KLF8: variants seen among roughly 807,000 people sequenced by gnomAD.
KLF8 encodes the protein KLF transcription factor 8.
In KLF8, 10 loss-of-function variants were observed where a neutral mutation model predicts 18.2. That is an observed-to-expected ratio of 0.55 (90% confidence interval 0.34 to 0.93). KLF8 has a LOEUF of 0.93. Among genes scored for constraint, KLF8 ranks in the 40% least tolerant of loss-of-function variants. The pLI is 0.02. For synonymous variants in KLF8, 109 were observed against 97.3 expected (o/e 1.12, Z -0.71); for missense variants, 264 against 277.9 (o/e 0.95, Z 0.36).
At chrX:56,187,218 A>T in the KLF8 span, among the ~76,000 whole-genome samples, 2 of 111,932 alleles carry the variant, frequency 1.8e-5, no homozygotes, top group East Asian at 2.8e-4. Context: ...AGAAATACAA[A>T]CTACCATCAG....
the KLF8 span, among the ~76,000 whole-genome samples, chrX:56,113,554 G>GTTTTTTTTTTTTTT: frequency 3.8e-4 from 13 of 34,652 alleles, 1 homozygote; most frequent in African/African-American, 7.6e-4. Context: ...GGCAGGGATA[G>GTTTTTTTTTTTTTT]TTTTTTTTTT....
chrX:56,004,280 G>A, the KLF8 span, among the ~76,000 whole-genome samples: 2 of 112,380 alleles, frequency 1.8e-5, no homozygotes, highest in African/African-American at 6.5e-5. Flanking sequence ...TTCAACAGAT[G>A]TTGACTGTTA....
At chrX:56,238,275 A>G (rs1023416189) in intron 1 of KLF8, among the ~76,000 whole-genome samples, 2 of 111,882 alleles carry the variant, frequency 1.8e-5, no homozygotes, top group African/African-American at 6.5e-5. Flanking sequence ...CAGCAGTTCG[A>G]AACCAGCTTG....
chrX:55,970,718 A>C, the KLF8 span, among the ~76,000 whole-genome samples: 3 of 111,782 alleles, frequency 2.7e-5, no homozygotes, highest in Middle Eastern at 4.2e-3. Context: ...CAAAGTTGTA[A>C]GAGATCAAAT....
At chrX:56,062,380 TG>T in the KLF8 span, among the ~76,000 whole-genome samples, 1 of 111,721 alleles carries the variant, frequency 9.0e-6, no homozygotes, top group South Asian at 3.7e-4. Flanking sequence ...GTAGGCCTGG[TG>T]GTGACAAAAT....
At chrX:56,091,408 T>C in the KLF8 span, among the ~76,000 whole-genome samples, 31 of 111,604 alleles carry the variant, frequency 2.8e-4, no homozygotes, top group South Asian at 2.3e-3. Flanking sequence ...CTTTTATAAA[T>C]TACCCAGTCT....
chrX:56,236,217 A>G (rs1294782227), intron 1 of KLF8, among the ~76,000 whole-genome samples: 1 of 111,827 alleles, frequency 8.9e-6, no homozygotes, highest in Non-Finnish European at 1.9e-5. Flanking sequence ...CTCATTCCTC[A>G]TTCAAGACTC....
chrX:56,074,390 C>A, the KLF8 span, among the ~76,000 whole-genome samples: 31 of 110,847 alleles, frequency 2.8e-4, no homozygotes, highest in Non-Finnish European at 4.9e-4. Context: ...TGAAATTTTA[C>A]CTCTATGTGA....
the KLF8 span, among the ~76,000 whole-genome samples, chrX:56,144,250 T>C: frequency 9.0e-6 from 1 of 111,672 alleles, no homozygotes; most frequent in Non-Finnish European, 1.9e-5. Flanking sequence ...TATATTTTCA[T>C]GACCTTGCAT....
At chrX:56,221,269 C>T in the KLF8 span, among the ~76,000 whole-genome samples, 1 of 111,810 alleles carries the variant, frequency 8.9e-6, no homozygotes, top group African/African-American at 3.3e-5. Flanking sequence ...TGTTTTATTC[C>T]TACTTCGGTC....
At chrX:55,998,698 G>A in the KLF8 span, among the ~76,000 whole-genome samples, 1 of 111,304 alleles carries the variant, frequency 9.0e-6, no homozygotes, top group Non-Finnish European at 1.9e-5. Flanking sequence ...CACAGACACA[G>A]TGACAATCTG....
chrX:56,102,344 G>T, the KLF8 span, among the ~76,000 whole-genome samples: 1 of 111,169 alleles, frequency 9.0e-6, no homozygotes, highest in Non-Finnish European at 1.9e-5. Context: ...TGCTATTTTG[G>T]TTACTCTAGC....
chrX:56,130,519 T>G, the KLF8 span, among the ~76,000 whole-genome samples: 1 of 111,389 alleles, frequency 9.0e-6, no homozygotes, highest in African/African-American at 3.3e-5. Context: ...CAGCCCGAGA[T>G]CTTCGCTCTG....
chrX:56,185,053 G>T, the KLF8 span, among the ~76,000 whole-genome samples: 2 of 112,491 alleles, frequency 1.8e-5, no homozygotes, highest in Admixed American at 9.4e-5. Flanking sequence ...AGAGAAGAAG[G>T]CTTCAGACAA....
the KLF8 span, among the ~76,000 whole-genome samples, chrX:56,070,708 G>A: frequency 9.0e-6 from 1 of 111,660 alleles, no homozygotes; most frequent in African/African-American, 3.3e-5. Context: ...AATAGGTGCA[G>A]CAAACCACCA....
chrX:56,191,946 A>G, the KLF8 span, among the ~76,000 whole-genome samples: 1 of 111,518 alleles, frequency 9.0e-6, no homozygotes, highest in East Asian at 2.8e-4. Flanking sequence ...CACCACTGTT[A>G]TTTCACGTAG....
the KLF8 span, among the ~76,000 whole-genome samples, chrX:56,090,980 C>T: frequency 8.9e-6 from 1 of 111,863 alleles, no homozygotes; most frequent in South Asian, 3.7e-4. Context: ...CAGTAGTATT[C>T]CGTGGTTTAC....
At chrX:56,221,675 G>A in the KLF8 span, among the ~76,000 whole-genome samples, 13 of 111,135 alleles carry the variant, frequency 1.2e-4, no homozygotes, top group South Asian at 4.7e-3. Context: ...GGAGTTGTTC[G>A]TTCCTCCCCG....
chrX:56,238,203 G>A (rs762604947), intron 1 of KLF8, among the ~76,000 whole-genome samples: 96 of 111,903 alleles, frequency 8.6e-4, no homozygotes, highest in African/African-American at 3.0e-3. Flanking sequence ...TCTAGGCCGG[G>A]CGCAGTGGCT....
Sources: allele counts gnomAD v4.1 joint callset (sites outside exome capture counted in the v4.1 genomes callset), GRCh38; gene constraint gnomAD v4.1.1; transcripts MANE v1.5; gene names NCBI Gene and HGNC (gene_info 2026-07-23, HGNC 2026-07-21).